COLEC12: variants seen among roughly 807,000 people sequenced by gnomAD.
COLEC12 encodes collectin-12.
Under a neutral mutation model 71.1 loss-of-function variants are expected in COLEC12, and 33 were observed. The ratio of observed to expected loss-of-function variants is 0.46; its 90% confidence interval spans 0.35 to 0.62. The LOEUF (loss-of-function observed/expected upper bound fraction) is 0.62. Ranked by LOEUF, COLEC12 falls within the 20% of genes least tolerant of loss-of-function variation. The pLI, the probability that COLEC12 is intolerant of heterozygous loss-of-function variation, is 0.00. For missense variants in COLEC12, 765 were observed against 916.1 expected (o/e 0.84, Z 2.13); for synonymous variants, 350 against 353.0 (o/e 0.99, Z 0.10).
chr18:381,092 CAG>C (rs1915222880), intron 2 of COLEC12, among the ~76,000 whole-genome samples: 1 of 152,096 alleles, frequency 6.6e-6, no homozygotes, highest in Non-Finnish European at 1.5e-5. Flanking sequence ...TCAAAGCAAA[CAG>C]AACCAGGCTC....
In COLEC12 at chr18:399,191, G is replaced by A. The variant is rs918415713; in HGVS notation, c.59-41669C>T. ...CAATCTGAAACACTATCCAAAAAAC[G>A]CACAGCGGTGTCTGAAGTTGAGATT... is the stretch of plus-strand genomic sequence containing the variant. On this transcript the variant is annotated intron_variant, in intron 2 of 9. Transcript: ENST00000400256. The surrounding 1 kb of genome is among the most constrained non-coding windows in gnomAD (Gnocchi z 4.0). 7.2e-5 allele frequency among the ~76,000 whole-genome samples: 11 copies of A among 152,336 alleles called. No homozygotes were observed. Among genetic ancestry groups the A allele is most frequent in the Non-Finnish European group, 1.2e-4 (8 of 68,030 alleles).
intron 3 of COLEC12, among the ~76,000 whole-genome samples, chr18:352,384 A>G (rs1490692404): frequency 6.6e-6 from 1 of 152,192 alleles, no homozygotes; most frequent in Non-Finnish European, 1.5e-5. Context: ...ATATGCTGAC[A>G]GTCAGTCATT....
intron 2 of COLEC12, among the ~76,000 whole-genome samples, chr18:403,644 T>C (rs1915730758): frequency 1.3e-5 from 2 of 152,260 alleles, no homozygotes; most frequent in African/African-American, 4.8e-5. Flanking sequence ...CTTTTGAGAA[T>C]TTCTAAAAGA....
intron 8 of COLEC12, among the ~76,000 whole-genome samples, chr18:322,311 T>C (rs1913727468): frequency 6.6e-6 from 1 of 152,170 alleles, no homozygotes; most frequent in African/African-American, 2.4e-5. Flanking sequence ...GTGAAAGACT[T>C]TTGATATACA....
chr18:441,436 T>C (rs1916532987), intron 2 of COLEC12, among the ~76,000 whole-genome samples: 1 of 152,046 alleles, frequency 6.6e-6, no homozygotes. Context: ...TCTTTCAAAC[T>C]GTTCATCACA....
chr18:486,960 C>T (rs1917530326), intron 1 of COLEC12, among the ~76,000 whole-genome samples: 1 of 152,144 alleles, frequency 6.6e-6, no homozygotes. Flanking sequence ...AGCAATTCTG[C>T]TCCTAGGTTT....
At chr18:407,483 G>A (rs1404700948) in intron 2 of COLEC12, among the ~76,000 whole-genome samples, 1 of 152,198 alleles carries the variant, frequency 6.6e-6, no homozygotes, top group African/African-American at 2.4e-5. Context: ...GTTTCCATTT[G>A]AGTCTGAAGG....
intron 1 of COLEC12, among the ~76,000 whole-genome samples, chr18:497,383 GGTGTGTGT>G (rs10689788): frequency 6.0e-4 from 89 of 147,160 alleles, no homozygotes; most frequent in African/African-American, 1.8e-3. Context: ...TAAAGAATGG[GGTGTGTGT>G]GTGTGTGTGT....
At chr18:499,455 G>A (rs764389276) in intron 1 of COLEC12, among the ~76,000 whole-genome samples, 1 of 152,208 alleles carries the variant, frequency 6.6e-6, no homozygotes, top group Non-Finnish European at 1.5e-5. Flanking sequence ...CAAGCGCCTT[G>A]GGGCTTCCCG....
chr18:414,029 G>A (rs1915941606), intron 2 of COLEC12, among the ~76,000 whole-genome samples: 3 of 152,156 alleles, frequency 2.0e-5, no homozygotes, highest in Non-Finnish European at 4.4e-5. Context: ...AAAATATGTG[G>A]AATCTTTGTG....
intron 2 of COLEC12, among the ~76,000 whole-genome samples, chr18:402,059 A>G (rs1915698155): frequency 6.6e-6 from 1 of 152,132 alleles, no homozygotes; most frequent in Non-Finnish European, 1.5e-5. Context: ...TTATCGGTTG[A>G]GGGTAGTTGT....
At chr18:442,977 T>C (rs768882202) in intron 2 of COLEC12, among the ~76,000 whole-genome samples, 6 of 152,174 alleles carry the variant, frequency 3.9e-5, no homozygotes, top group Middle Eastern at 3.4e-3. Context: ...ATAAATAAAA[T>C]AAAATAAAAG....
Position 399,598 on chromosome 18 carries a change from T to C in COLEC12, c.59-42076A>G, listed in dbSNP as rs935496518. Among the ~76,000 whole-genome samples, 1 of 152,220 alleles carries C rather than the reference T, an allele frequency of 6.6e-6. No individual in the cohort carries two copies. Among genetic ancestry groups the C allele is most frequent in the Non-Finnish European group, 1.5e-5 (1 of 68,028 alleles). ...TGGTCTCCACCCTCATCTGAAGCTT[T>C]TGTCTAAGTCTCCCTGGCAGGTTAT... On this transcript the variant is annotated intron_variant, in intron 2 of 9. Coordinates refer to ENST00000400256, the MANE Select transcript of COLEC12 (RefSeq NM_130386.3). The surrounding 1 kb of genome is among the most constrained non-coding windows in gnomAD (Gnocchi z 4.0).
intron 3 of COLEC12, among the ~76,000 whole-genome samples, chr18:350,375 G>A (rs530832863): frequency 1.2e-4 from 19 of 152,228 alleles, no homozygotes; most frequent in South Asian, 8.3e-4. Context: ...TGTAATTCCA[G>A]TTAAACCTCT....
intron 1 of COLEC12, among the ~76,000 whole-genome samples, chr18:483,479 C>T (rs1026590932): frequency 6.6e-6 from 1 of 151,486 alleles, no homozygotes; most frequent in Non-Finnish European, 1.5e-5. Context: ...CTTTGTATTT[C>T]ACCATTGTCT....
intron 1 of COLEC12, among the ~76,000 whole-genome samples, chr18:485,741 G>A (rs1381339414): frequency 2.0e-5 from 3 of 152,188 alleles, no homozygotes; most frequent in South Asian, 2.1e-4. Context: ...GCTTAGAGCT[G>A]AGAGTCATCC....
chr18:493,195 C>G (rs537444831), intron 1 of COLEC12, among the ~76,000 whole-genome samples: 84 of 152,274 alleles, frequency 5.5e-4, no homozygotes, highest in African/African-American at 2.0e-3. Flanking sequence ...CCACCTCAGT[C>G]TCCCAAGTAG....
chr18:459,995 T>C (rs1379975260), intron 2 of COLEC12, among the ~76,000 whole-genome samples: 1 of 151,294 alleles, frequency 6.6e-6, no homozygotes, highest in African/African-American at 2.4e-5. Context: ...TGATGAGTGA[T>C]GACTGATTAG....
intron 5 of COLEC12, among the ~76,000 whole-genome samples, chr18:342,845 C>T (rs114622961): frequency 0.013 from 2,054 of 152,262 alleles, 64 homozygotes; most frequent in African/African-American, 0.047. Flanking sequence ...CTCTGAAACA[C>T]CTTGGAGCCT....
Sources: gnomAD v4.1 joint callset for allele counts (sites outside exome capture counted in the v4.1 genomes callset) on GRCh38, gnomAD v4.1.1 for gene constraint, Gnocchi (gnomAD v3.1) non-coding constraint, MANE v1.5 for transcripts, NCBI Gene and HGNC (gene_info 2026-07-23, HGNC 2026-07-21) for gene names.